The following SGPL1 variants were observed in gnomAD, a reference collection of about 807,000 sequenced individuals.
SGPL1 encodes the protein sphingosine-1-phosphate lyase 1, also known as SP-lyase 1.
In SGPL1, 37 loss-of-function variants were observed where a neutral mutation model predicts 68.9. The observed-to-expected ratio is 0.54, with a 90% CI of 0.41 to 0.71. The LOEUF (loss-of-function observed/expected upper bound fraction) is 0.71, where lower values mean the gene tolerates loss of function less well. Among genes scored for constraint, SGPL1 ranks in the 30% least tolerant of loss-of-function variants. The probability of loss-of-function intolerance (pLI) is 0.00; values close to 1 mark genes in which losing one functional copy is unlikely to be tolerated. For synonymous variants in SGPL1, 236 were observed against 248.5 expected, an observed-to-expected ratio of 0.95 and a Z score of 0.47; for missense variants, 551 against 704.6, an observed-to-expected ratio of 0.78 and a Z score of 2.47.
At chr10:70,853,367 C>A (rs1028985471) in intron 4 of SGPL1, among the ~76,000 whole-genome samples, 1 of 152,178 alleles carries the variant, frequency 6.6e-6, no homozygotes, top group Admixed American at 6.5e-5. Context: ...TTCTGGCGTT[C>A]TTTAACAAAT....
chr10:70,826,265 A>G (rs1161803564), intron 2 of SGPL1, among the ~76,000 whole-genome samples: 1 of 152,138 alleles, frequency 6.6e-6, no homozygotes, highest in African/African-American at 2.4e-5. Flanking sequence ...AATACAATAC[A>G]ATGCAATGCC....
chr10:70,869,516 T>G (rs900365449), intron 8 of SGPL1: 3 of 249,188 alleles, frequency 1.2e-5, no homozygotes, highest in African/African-American at 2.3e-5. Flanking sequence ...CCTGCCAGCC[T>G]AGCTTTATGC....
chr10:70,857,772 T>C (rs1845989998), intron 6 of SGPL1, 82 bp downstream of exon 6: 1 of 859,478 alleles, frequency 1.2e-6, no homozygotes, highest in South Asian at 1.8e-5. Flanking sequence ...CTTTTGTAAT[T>C]AGAAAAATTA....
chr10:70,823,524 C>G, intron 2 of SGPL1, among the ~76,000 whole-genome samples: 1 of 140,384 alleles, frequency 7.1e-6, no homozygotes, highest in East Asian at 2.1e-4. Flanking sequence ...CACTAGGCCA[C>G]GAACCAATAT....
At chr10:70,861,892 G>A (rs911179007) in intron 7 of SGPL1, among the ~76,000 whole-genome samples, 2 of 152,208 alleles carry the variant, frequency 1.3e-5, no homozygotes, top group African/African-American at 4.8e-5. Flanking sequence ...GGCAGGGCTC[G>A]GGACCTGCAG....
chr10:70,839,010 T>G (rs1010872879), intron 2 of SGPL1, among the ~76,000 whole-genome samples: 2 of 152,302 alleles, frequency 1.3e-5, no homozygotes, highest in Non-Finnish European at 2.9e-5. Flanking sequence ...TTGGGTACAT[T>G]CATGAAAAGG....
chr10:70,838,081 G>A (rs979261012), intron 2 of SGPL1, among the ~76,000 whole-genome samples: 4 of 152,074 alleles, frequency 2.6e-5, no homozygotes, highest in Admixed American at 1.3e-4. Flanking sequence ...AAATTTCAAC[G>A]TGAGTTTTAG....
rs72818122 is a variant in SGPL1 at position 70,881,174 on chromosome 10, A to T, written c.*3839A>T. ...TTTTAGAATAAACCTATTTATTTCT[A>T]AAAAAAAAAAGAAAAGAAAGTGTTA... On this transcript the variant is annotated 3_prime_UTR_variant, in exon 15 of 15. Coordinates refer to ENST00000373202, the MANE Select transcript of SGPL1 (RefSeq NM_003901.4). 8.4e-5 allele frequency: 12 copies of T among 142,844 alleles called. No individual in the cohort carries two copies. The highest frequency in any genetic ancestry group is 2.9e-4 in the African/African-American group (11 of 37,380). The allele number at this position is 142,844 out of a possible 1,614,324, so 8.8% of individuals were successfully genotyped here. A position where few individuals can be genotyped will look rare whatever the true frequency, so the allele number is the denominator to read the frequency against.
At chr10:70,854,488 C>T (rs1328234949) in intron 4 of SGPL1, among the ~76,000 whole-genome samples, 1 of 152,056 alleles carries the variant, frequency 6.6e-6, no homozygotes, top group African/African-American at 2.4e-5. Context: ...TGCATCTTGA[C>T]CTTTAGAGAG....
At chr10:70,853,003 G>A (rs1030738280) in intron 4 of SGPL1, among the ~76,000 whole-genome samples, 10 of 152,204 alleles carry the variant, frequency 6.6e-5, no homozygotes, top group Non-Finnish European at 1.5e-5. Flanking sequence ...GGGTAAGGAA[G>A]TACTTGTGCT....
intron 3 of SGPL1, among the ~76,000 whole-genome samples, chr10:70,847,346 G>A (rs143573123): frequency 2.6e-5 from 4 of 151,808 alleles, no homozygotes; most frequent in African/African-American, 9.7e-5. Context: ...ATGGGGTTTC[G>A]CCATGTTGGC....
intron 2 of SGPL1, among the ~76,000 whole-genome samples, chr10:70,827,563 T>C (rs1845458887): frequency 6.6e-6 from 1 of 152,210 alleles, no homozygotes; most frequent in Non-Finnish European, 1.5e-5. Context: ...CCTGTTAGTA[T>C]AGGCAGAAAC....
chr10:70,862,680 C>T (rs529350219), intron 7 of SGPL1, among the ~76,000 whole-genome samples: 9 of 152,080 alleles, frequency 5.9e-5, no homozygotes, highest in East Asian at 1.9e-4. Context: ...CGAACAACTC[C>T]GGACGCGCTG....
chr10:70,833,855 C>T (rs7083883), intron 2 of SGPL1, among the ~76,000 whole-genome samples: 31,332 of 152,006 alleles, frequency 0.21, 3,436 homozygotes, highest in East Asian at 0.35. Flanking sequence ...AAGTATTGAG[C>T]GTTGAATAGT....
chr10:70,837,103 AG>A (rs1845638552), intron 2 of SGPL1, among the ~76,000 whole-genome samples: 1 of 150,774 alleles, frequency 6.6e-6, no homozygotes, highest in African/African-American at 2.4e-5. Flanking sequence ...TTTGAGACAG[AG>A]TCTTGCTCTG....
At chr10:70,870,716 T>C (rs1846277764) in intron 9 of SGPL1, among the ~76,000 whole-genome samples, 1 of 152,230 alleles carries the variant, frequency 6.6e-6, no homozygotes, top group Admixed American at 6.5e-5. Context: ...AGGAACAGAC[T>C]GAAGTAGCAT....
chr10:70,876,074 C>G (rs1343697775), intron 13 of SGPL1, among the ~76,000 whole-genome samples: 2 of 152,160 alleles, frequency 1.3e-5, no homozygotes, highest in East Asian at 1.9e-4. Context: ...CCCATCTGGA[C>G]TATCTTTTTC....
At chr10:70,841,910 A>C (rs1450400591) in intron 2 of SGPL1, among the ~76,000 whole-genome samples, 1 of 152,156 alleles carries the variant, frequency 6.6e-6, no homozygotes, top group African/African-American at 2.4e-5. Context: ...TTAACTGTTA[A>C]CATCATAGTT....
At chr10:70,865,123 C>G (rs914737281) in intron 7 of SGPL1, among the ~76,000 whole-genome samples, 12 of 152,140 alleles carry the variant, frequency 7.9e-5, no homozygotes, top group Admixed American at 7.2e-4. Context: ...GGAAAATTCT[C>G]AGGATTTTGC....
Sources: allele counts gnomAD v4.1 joint callset (sites outside exome capture counted in the v4.1 genomes callset), GRCh38; gene constraint gnomAD v4.1.1; transcripts MANE v1.5; gene names NCBI Gene and HGNC (gene_info 2026-07-23, HGNC 2026-07-21).